Variants in SPATA13 observed in about 807,000 individuals in gnomAD.
The protein encoded by SPATA13 is spermatogenesis-associated protein 13.
A neutral mutation model predicts 104.0 loss-of-function variants in SPATA13; 50 were observed. The observed-to-expected ratio is 0.48, with a 90% CI of 0.38 to 0.61. The LOEUF (loss-of-function observed/expected upper bound fraction) is 0.61, where lower values mean the gene tolerates loss of function less well. SPATA13 is among the 20% of genes least tolerant of loss of function. The pLI is 0.00. For missense variants in SPATA13, 1,524 were observed against 1,690.6 expected (o/e 0.90, Z 1.73); for synonymous variants, 606 against 667.5 (o/e 0.91, Z 1.42).
chr13:24,082,208 C>T (rs1232353421), intron 3 of SPATA13, among the ~76,000 whole-genome samples: 1 of 152,198 alleles, frequency 6.6e-6, no homozygotes, highest in Admixed American at 6.5e-5. Context: ...ATCTCTTCAA[C>T]AGGGGAGGAC....
chr13:24,105,329 G>A (rs558768014), intron 3 of SPATA13, among the ~76,000 whole-genome samples: 24 of 151,970 alleles, frequency 1.6e-4, no homozygotes, highest in Non-Finnish European at 3.2e-4. Flanking sequence ...GGTAGAGACG[G>A]GGATCTGCCG....
At chr13:24,112,367 G>A (rs1449104724) in intron 3 of SPATA13, among the ~76,000 whole-genome samples, 3 of 152,142 alleles carry the variant, frequency 2.0e-5, no homozygotes, top group Non-Finnish European at 4.4e-5. Flanking sequence ...CCACTCTGTA[G>A]TGCTCCCCAC....
intron 3 of SPATA13, chr13:24,122,220 G>T (rs1881052444): frequency 7.0e-7 from 1 of 1,435,478 alleles, no homozygotes; most frequent in Non-Finnish European, 9.8e-7. Flanking sequence ...TGTTTTCTTT[G>T]TTCTTCAGAA....
At chr13:24,213,764 T>C (rs1010093820) in intron 1 of SPATA13, among the ~76,000 whole-genome samples, 1 of 152,212 alleles carries the variant, frequency 6.6e-6, no homozygotes, top group Admixed American at 6.5e-5. Flanking sequence ...GTTTACATTA[T>C]AAATTAAGTG....
intron 2 of SPATA13, among the ~76,000 whole-genome samples, chr13:23,994,744 C>T (rs980787005): frequency 2.0e-5 from 3 of 152,136 alleles, no homozygotes; most frequent in Non-Finnish European, 4.4e-5. Context: ...AAAGAGCACT[C>T]AGTTTTGGAA....
chr13:24,044,558 CAT>C (rs1044676899), intron 3 of SPATA13, among the ~76,000 whole-genome samples: 33 of 152,250 alleles, frequency 2.2e-4, no homozygotes, highest in African/African-American at 7.9e-4. Flanking sequence ...TCAGTTGACA[CAT>C]GATAACGTAC....
chr13:24,176,720 A>G (rs1285908767), intron 1 of SPATA13, among the ~76,000 whole-genome samples: 2 of 152,218 alleles, frequency 1.3e-5, no homozygotes, highest in Non-Finnish European at 2.9e-5. Context: ...AAGTTCACAT[A>G]TCTAAATGAT....
At chr13:24,240,494 C>T (rs1872779447) in intron 2 of SPATA13, among the ~76,000 whole-genome samples, 1 of 151,850 alleles carries the variant, frequency 6.6e-6, no homozygotes, top group Non-Finnish European at 1.5e-5. Flanking sequence ...GTGAGGGAGG[C>T]AGGTGAGGTG....
intron 1 of SPATA13, among the ~76,000 whole-genome samples, chr13:24,222,097 G>C (rs1220971573): frequency 6.6e-6 from 1 of 152,188 alleles, no homozygotes; most frequent in Non-Finnish European, 1.5e-5. Flanking sequence ...ACAGGCGTGA[G>C]CCACTGCACC....
intron 3 of SPATA13, among the ~76,000 whole-genome samples, chr13:24,107,641 A>G (rs565514454): frequency 3.0e-4 from 45 of 152,220 alleles, no homozygotes; most frequent in Non-Finnish European, 5.9e-4. Context: ...AGGAAATAGA[A>G]CAGCCCAATG....
intron 3 of SPATA13, among the ~76,000 whole-genome samples, chr13:24,082,647 C>T (rs371493211): frequency 5.3e-5 from 8 of 150,526 alleles, no homozygotes; most frequent in South Asian, 4.3e-4. Flanking sequence ...GGTGAAACCC[C>T]GTCTCTACTA....
rs532278857 is a variant in SPATA13 at position 24,171,390 on chromosome 13, T to G, written c.-112+10458T>G. 8.5e-5 allele frequency among the ~76,000 whole-genome samples: 13 copies of G among 152,306 alleles called. No individual in the cohort carries two copies. The East Asian group carries it at 2.5e-3, about 30-fold the overall frequency. On this transcript the variant is annotated intron_variant, in intron 1 of 12. Coordinates refer to ENST00000382108, the MANE Select transcript of SPATA13 (RefSeq NM_001166271.3). ...ATGGGGAGGGTGGAGTGAGGAGAACTGGTGCTGGGAATGCTGATGCCATCA... is the reference window on the plus strand; with the variant it reads ...ATGGGGAGGGTGGAGTGAGGAGAACGGGTGCTGGGAATGCTGATGCCATCA...
In SPATA13 at chr13:24,298,435, C is replaced by T. The variant is rs374662226; in HGVS notation, c.3583+700C>T. ...CTTCTTTGGTTTGTCTTCCCAGCTT[C>T]TGCTGACCTGGAGGTGCAGTGTGGC... On this transcript the variant is annotated intron_variant, in intron 11 of 12. Coordinates refer to ENST00000382108, the MANE Select transcript of SPATA13 (RefSeq NM_001166271.3). Among the ~76,000 whole-genome samples, 70 of 152,360 alleles carry T rather than the reference C, an allele frequency of 4.6e-4. No homozygotes were observed. In the South Asian group the frequency reaches 0.013, roughly 28 times the overall value.
intron 3 of SPATA13, chr13:24,251,422 GCCTTCAT>G: frequency 1.0e-6 from 1 of 955,676 alleles, no homozygotes; most frequent in Non-Finnish European, 1.2e-6. Flanking sequence ...TCCTAAATGT[GCCTTCAT>G]CTTCTCAGAA....
chr13:24,191,501 CTTTTTTTTTTT>C lies in SPATA13; in HGVS notation c.-112+30585_-112+30595del, dbSNP rs57437676. On this transcript the variant is annotated intron_variant, in intron 1 of 12. Transcript: ENST00000382108. ...CCTCTTTCTCACTATACATTGCTTT[CTTTTTTTTTTT>C]TTTTTTTTTTTTTTTGAGATGGAGT... Among the ~76,000 whole-genome samples the C allele has an allele frequency of 1.8e-4, 12 of 67,486 alleles. No individual in the cohort carries two copies. In the South Asian group the frequency reaches 6.4e-3, roughly 36 times the overall value. 44.3% of individuals were successfully genotyped at this position (67,486 alleles called of 152,430 possible). A position where few individuals can be genotyped will look rare whatever the true frequency, so the allele number is the denominator to read the frequency against.
chr13:24,249,740 C>T lies in SPATA13; in HGVS notation c.1917C>T (p.Gly639=), dbSNP rs374012604. Residue 639 remains glycine (G), a synonymous_variant, in exon 3 of 13, where the codon GGC becomes GGT. Transcript: ENST00000382108. ...CTGAAGACCAGAATGCTCCAGTGGG[C>T]TGCCCCAAAGGAGCCCGGAGAAGGC... ...ASPEDQNAPV[G]CPKGARRRRP... The T allele has an allele frequency of 1.7e-5, 27 of 1,614,080 alleles. No individual in the cohort carries two copies. The African/African-American group carries it at 3.5e-4, about 21-fold the overall frequency.
chr13:24,154,765 T>C (rs917866820), intron 3 of SPATA13, among the ~76,000 whole-genome samples: 2 of 152,220 alleles, frequency 1.3e-5, no homozygotes, highest in Non-Finnish European at 2.9e-5. Context: ...TGTGTTCTCA[T>C]AGAGAAGCTT....
intron 3 of SPATA13, among the ~76,000 whole-genome samples, chr13:24,022,020 A>C (rs1313731171): frequency 1.3e-5 from 2 of 150,402 alleles, no homozygotes; most frequent in Non-Finnish European, 3.0e-5. Context: ...CAGTTGTTGG[A>C]AAATCTTAAT....
At position 24,001,808 on chromosome 13, in the gene SPATA13, G is replaced by A. The variant is rs574593806; in HGVS notation, c.-146-15859G>A. Among the ~76,000 whole-genome samples the A allele has an allele frequency of 5.3e-5, 8 of 152,180 alleles. No homozygotes were observed. In the South Asian group the frequency reaches 1.7e-3, roughly 32 times the overall value. ...TGGGGGCCGGGAGGTGAGGGAGCAG[G>A]GGTGAGGACTGAGCAGGTGATCTGT... is the stretch of plus-strand genomic sequence containing the variant. On this transcript the variant is annotated intron_variant, in intron 2 of 14. Coordinates refer to the SPATA13 transcript ENST00000424834.
Sources: gnomAD v4.1 joint callset for allele counts (sites outside exome capture counted in the v4.1 genomes callset) on GRCh38, gnomAD v4.1.1 for gene constraint, MANE v1.5 for transcripts, NCBI Gene and HGNC (gene_info 2026-07-23, HGNC 2026-07-21) for gene names.